RANGRF: variants seen among roughly 807,000 people sequenced by gnomAD.
The protein encoded by RANGRF is MOG1 homolog.
A neutral mutation model predicts 21.8 loss-of-function variants in RANGRF; 17 were observed. The observed-to-expected ratio is 0.78, with a 90% CI of 0.53 to 1.17. The LOEUF (loss-of-function observed/expected upper bound fraction) is 1.17, where lower values mean the gene tolerates loss of function less well. Among genes scored for constraint, RANGRF ranks in the 50% most tolerant of loss-of-function variants. The probability of loss-of-function intolerance (pLI) is 0.00; values close to 1 mark genes in which losing one functional copy is unlikely to be tolerated. For synonymous variants in RANGRF, 97 were observed against 94.3 expected (o/e 1.03, Z -0.17); for missense variants, 225 against 235.5 (o/e 0.96, Z 0.29).
intron 4 of RANGRF, 85 bp from the exon 5 acceptor site, chr17:8,289,728 C>T (rs1990331742): frequency 1.9e-6 from 3 of 1,613,802 alleles, no homozygotes; most frequent in Admixed American, 3.3e-5. Context: ...AACTGATACC[C>T]AGGTCCTCTG....
At position 8,289,048 on chromosome 17, in the gene RANGRF, A is replaced by T. The variant is rs755920517; in HGVS notation, c.170A>T (p.His57Leu). 2.5e-6 allele frequency: 4 copies of T among 1,613,884 alleles called. No homozygotes were observed. In the Admixed American group the frequency reaches 5.0e-5, roughly 20 times the overall value. Residue 57 changes from histidine (H) to leucine (L), a missense_variant, in exon 2 of 5, where the codon CAC becomes CTC. Coordinates refer to ENST00000226105, the MANE Select transcript of RANGRF (RefSeq NM_016492.5). Reference sequence around the variant, plus strand: ...GTGGAACTTCTCGAGCTGCAGGCCCACGTACGGGGCGAAGCGGCTGCGCGG... The same window carrying T: ...GTGGAACTTCTCGAGCTGCAGGCCCTCGTACGGGGCGAAGCGGCTGCGCGG... ...LIVELLELQA[H>L]VRGEAAARYH...
rs1190806014 is a variant in RANGRF at position 8,290,087 on chromosome 17, A to G, written c.*151A>G. On this transcript the variant is annotated 3_prime_UTR_variant, in exon 5 of 5. Coordinates refer to ENST00000226105, the MANE Select transcript of RANGRF (RefSeq NM_016492.5). ...TCAGAATAAACTTGCTTTATAATCA[A>G]TATAATCTCTGTGCCTTTGAATCTA... 7.2e-6 allele frequency: 11 copies of G among 1,530,368 alleles called. No individual in the cohort carries two copies. Among genetic ancestry groups the G allele is most frequent in the East Asian group, 4.5e-5 (2 of 43,998 alleles). The allele number at this position is 1,530,368 out of a possible 1,614,324, so 94.8% of individuals were successfully genotyped here.
In RANGRF at chr17:8,289,283, G is replaced by A. The variant is rs1990290127; in HGVS notation, c.220G>A (p.Val74Met). The A allele has an allele frequency of 1.2e-6, 2 of 1,613,794 alleles. No individual in the cohort carries two copies. The highest frequency in any genetic ancestry group is 1.3e-5 in the African/African-American group (1 of 74,912). ...GTACCACTTTGAGGATGTTGGTGGC[G>A]TGCAGGGGGCTAGGGCTGTCCATGT... ...ARYHFEDVGG[V>M]QGARAVHVES... Residue 74 changes from valine to methionine, a missense_variant, in exon 3 of 5, where the codon GTG becomes ATG. Coordinates refer to ENST00000226105, the MANE Select transcript of RANGRF (RefSeq NM_016492.5).
chr17:8,290,081 T>C lies in RANGRF; in HGVS notation c.*145T>C. 6.5e-7 allele frequency: 1 copy of C among 1,532,202 alleles called. No homozygotes were observed. Among genetic ancestry groups the C allele is most frequent in the South Asian group, 1.3e-5 (1 of 77,520 alleles). The allele number at this position is 1,532,202 out of a possible 1,614,324, so 94.9% of individuals were successfully genotyped here. A position where few individuals can be genotyped will look rare whatever the true frequency, so the allele number is the denominator to read the frequency against. On this transcript the variant is annotated 3_prime_UTR_variant, in exon 5 of 5. Coordinates refer to ENST00000226105, the MANE Select transcript of RANGRF (RefSeq NM_016492.5). ...CCCTCTTCAGAATAAACTTGCTTTA[T>C]AATCAATATAATCTCTGTGCCTTTG...
At chr17:8,289,474 G>A in intron 3 of RANGRF, 29 bp from the exon 4 acceptor site, 1 of 1,614,152 alleles carries the variant, frequency 6.2e-7, no homozygotes, top group South Asian at 1.1e-5. Flanking sequence ...CAGAGATCCA[G>A]GTAAGCATCC....
chr17:8,290,001 A>G lies in RANGRF; in HGVS notation c.*65A>G. On this transcript the variant is annotated 3_prime_UTR_variant, in exon 5 of 5. Coordinates refer to ENST00000226105, the MANE Select transcript of RANGRF (RefSeq NM_016492.5). ...GACTCGGTTCTGTGAGGGGGAAAAG[A>G]GGTTGAAAAGAGGGTTTCCTCTTAT... The G allele has an allele frequency of 6.2e-7, 1 of 1,609,320 alleles. No individual in the cohort carries two copies. Among genetic ancestry groups the G allele is most frequent in the South Asian group, 1.1e-5 (1 of 90,972 alleles).
Position 8,289,917 on chromosome 17 carries a change from A to G in RANGRF, c.542A>G (p.Asn181Ser), listed in dbSNP as rs1567658126. ...ACCAGTCTGACCCTTCACGATCCTA[A>G]CATCTTTGGTCCCCAGTAAAGGCGC... is the stretch of plus-strand genomic sequence containing the variant. ...LVTSLTLHDP[N>S]IFGPQ The change falls in exon 5 of 5, where the codon AAC (asparagine) becomes AGC (serine). Residue 181 changes from asparagine to serine, a missense_variant. Physicochemically the swap from Asn to Ser is conservative, Grantham distance 46. Transcript: ENST00000226105. 6.2e-7 allele frequency: 1 copy of G among 1,614,086 alleles called. No individual in the cohort carries two copies. Among genetic ancestry groups the G allele is most frequent in the Non-Finnish European group, 8.5e-7 (1 of 1,180,010 alleles).
chr17:8,289,134 C>T (rs1990275579), intron 2 of RANGRF, 62 bp downstream of exon 2: 1 of 1,602,160 alleles, frequency 6.2e-7, no homozygotes, highest in Non-Finnish European at 8.5e-7. Context: ...GGGCGGGGCC[C>T]GCGGCCGACG....
chr17:8,289,959 GT>G lies in RANGRF; in HGVS notation c.*25del, dbSNP rs745733219. On this transcript the variant is annotated 3_prime_UTR_variant, in exon 5 of 5. Transcript: ENST00000226105. ...TAAAGGCGCTGAAGCACTGCATGATGTTGCTGAGAACTTGGGGACTCGGTTC... is the reference window on the plus strand; with the variant it reads ...TAAAGGCGCTGAAGCACTGCATGATGTGCTGAGAACTTGGGGACTCGGTTC... 4 of 1,613,974 alleles carry G rather than the reference GT, an allele frequency of 2.5e-6. No individual in the cohort carries two copies. The South Asian group carries it at 3.3e-5, about 13-fold the overall frequency.
chr17:8,289,357 C>A lies in RANGRF; in HGVS notation c.294C>A (p.Arg98=), dbSNP rs1990296699. The change falls in exon 3 of 5, where the codon CGC becomes CGA. Residue 98 remains arginine (R), a synonymous_variant. Coordinates refer to ENST00000226105, the MANE Select transcript of RANGRF (RefSeq NM_016492.5). ...LSLENLALRG[R]CQEAWVLSGK... ...TGGAGAACCTGGCCCTGAGGGGCCGCTGTCAAGAAGCCTGGGTCCTCTCTG... is the reference window on the plus strand; with the variant it reads ...TGGAGAACCTGGCCCTGAGGGGCCGATGTCAAGAAGCCTGGGTCCTCTCTG... 1 of 1,614,040 alleles carries A rather than the reference C, an allele frequency of 6.2e-7. No individual in the cohort carries two copies. The highest frequency in any genetic ancestry group is 1.3e-5 in the African/African-American group (1 of 74,926).
intron 2 of RANGRF, 34 bp from the exon 3 acceptor site, chr17:8,289,224 G>T: frequency 1.2e-6 from 2 of 1,611,072 alleles, no homozygotes; most frequent in Non-Finnish European, 1.7e-6. Context: ...GGCGACCAGA[G>T]ATGTCCCTTC....
Position 8,289,312 on chromosome 17 carries a change from G to A in RANGRF, c.249G>A (p.Glu83=), listed in dbSNP as rs751751942. 4.3e-6 allele frequency: 7 copies of A among 1,614,046 alleles called. No homozygotes were observed. The highest frequency in any genetic ancestry group is 1.3e-5 in the African/African-American group (1 of 74,924). The change falls in exon 3 of 5, where the codon GAG becomes GAA. Residue 83 remains glutamate, a synonymous_variant. Transcript: ENST00000226105. ...GVQGARAVHV[E]SVQPLSLENL... ...AGGGGGCTAGGGCTGTCCATGTGGA[G>A]TCTGTTCAGCCTCTCAGTTTGGAGA...
chr17:8,288,945 C>G lies in RANGRF; in HGVS notation c.78-11C>G. ...CCGGGGTCAACCAGGGTCTGCCTCG[C>G]CTCACTCCAGCGACCTCCGACCGGT... On this transcript the variant is annotated splice_polypyrimidine_tract_variant and intron_variant, in intron 1 of 4. Transcript: ENST00000226105. 1 of 1,614,034 alleles carries G rather than the reference C, an allele frequency of 6.2e-7. No individual in the cohort carries two copies. Among genetic ancestry groups the G allele is most frequent in the Non-Finnish European group, 8.5e-7 (1 of 1,179,952 alleles).
Position 8,288,684 on chromosome 17 carries a change from A to G in RANGRF, c.-105A>G, listed in dbSNP as rs1186273195. The G allele has an allele frequency of 1.5e-6, 2 of 1,302,102 alleles. No homozygotes were observed. Among genetic ancestry groups the G allele is most frequent in the Non-Finnish European group, 2.2e-6 (2 of 900,002 alleles). The allele number at this position is 1,302,102 out of a possible 1,614,324, so 80.7% of individuals were successfully genotyped here. ...TTAAAGGATCCGGGAGCTAAGCCAGACCCGGGTGGCGGTGGCAGCTGCGAA... is the reference window on the plus strand; with the variant it reads ...TTAAAGGATCCGGGAGCTAAGCCAGGCCCGGGTGGCGGTGGCAGCTGCGAA... On this transcript the variant is annotated 5_prime_UTR_variant, in exon 1 of 5. Transcript: ENST00000226105.
chr17:8,289,959 G>T lies in RANGRF; in HGVS notation c.*23G>T, dbSNP rs1990354008. The T allele has an allele frequency of 1.2e-6, 2 of 1,613,974 alleles. No homozygotes were observed. The highest frequency in any genetic ancestry group is 4.5e-5 in the East Asian group (2 of 44,878). On this transcript the variant is annotated 3_prime_UTR_variant, in exon 5 of 5. Transcript: ENST00000226105. ...TAAAGGCGCTGAAGCACTGCATGAT[G>T]TTGCTGAGAACTTGGGGACTCGGTT...
At chr17:8,289,772 C>T in intron 4 of RANGRF, 41 bp from the exon 5 acceptor site, 1 of 1,613,648 alleles carries the variant, frequency 6.2e-7, no homozygotes, top group African/African-American at 1.3e-5. Context: ...AAACCTCAGG[C>T]CTGGATGATG....
Position 8,289,106 on chromosome 17 carries a change from G to A in RANGRF, c.194+34G>A. On this transcript the variant is annotated intron_variant, in intron 2 of 4. Transcript: ENST00000226105. The stretch of plus-strand genomic sequence containing the variant: ...ATGGCCCCCGGCTGGCCAATGGCAG[G>A]GGCGGGGTCGGACCAGTGGGCGGGG... 2.5e-6 allele frequency: 4 copies of A among 1,607,626 alleles called. No homozygotes were observed. The South Asian group carries it at 4.4e-5, about 18-fold the overall frequency.
At chr17:8,289,165 C>T in intron 2 of RANGRF, 93 bp downstream of exon 2, 2 of 1,599,638 alleles carry the variant, frequency 1.3e-6, no homozygotes, top group Admixed American at 1.7e-5. Flanking sequence ...GCGGTGAGAC[C>T]ACGCACGGGC....
intron 2 of RANGRF, 61 bp downstream of exon 2, chr17:8,289,133 C>T: frequency 6.2e-7 from 1 of 1,602,498 alleles, no homozygotes; most frequent in Non-Finnish European, 8.5e-7. Context: ...TGGGCGGGGC[C>T]CGCGGCCGAC....
Sources: gnomAD v4.1 joint callset for allele counts on GRCh38, gnomAD v4.1.1 for gene constraint, MANE v1.5 for transcripts, NCBI Gene and HGNC (gene_info 2026-07-23, HGNC 2026-07-21) for gene names.